PLCG1: variants seen among roughly 807,000 people sequenced by gnomAD.
PLCG1 encodes 1-phosphatidylinositol 4,5-bisphosphate phosphodiesterase gamma-1.
In PLCG1, 71 loss-of-function variants were observed where a neutral mutation model predicts 177.8. The observed-to-expected ratio is 0.40, with a 90% CI of 0.33 to 0.49. The LOEUF (loss-of-function observed/expected upper bound fraction) is 0.49. PLCG1 is among the 20% of genes least tolerant of loss of function. PLCG1 has a pLI of 0.72. For missense variants in PLCG1, 1,281 were observed against 1,709.0 expected, an observed-to-expected ratio of 0.75 and a Z score of 4.42; for synonymous variants, 658 against 647.9, an observed-to-expected ratio of 1.02 and a Z score of -0.24.
intron 20 of PLCG1, among the ~76,000 whole-genome samples, chr20:41,168,341 T>G (rs959643513): frequency 6.6e-6 from 1 of 152,198 alleles, no homozygotes; most frequent in Non-Finnish European, 1.5e-5. Context: ...CCAGGGGACC[T>G]GGAAGGAAGT....
Position 41,137,721 on chromosome 20 carries a change from G to C in PLCG1, c.80G>C (p.Arg27Pro). Residue 27 changes from arginine to proline, a missense_variant, in exon 1 of 32, where the codon CGC (arginine) becomes CCC (proline). This residue lies in a region of PLCG1 where 374 missense variants were observed against 443.8 expected (regional missense o/e 0.84). Transcript: ENST00000685551. The surrounding 1 kb of genome is among the most constrained non-coding windows in gnomAD (Gnocchi z 7.3). The part of the protein sequence containing the change: ...PSDAEVLHLC[R>P]SLEVGTVMTL... ...GACGCCGAGGTGCTGCACCTCTGCC[G>C]CAGCCTCGAGGTGGGCACCGTCATG... is the stretch of plus-strand genomic sequence containing the variant. The C allele has an allele frequency of 7.6e-7, 1 of 1,311,478 alleles. No individual in the cohort carries two copies. The highest frequency in any genetic ancestry group is 2.5e-5 in the South Asian group (1 of 40,684). The allele number at this position is 1,311,478 out of a possible 1,614,324, so 81.2% of individuals were successfully genotyped here.
At position 41,144,715 on chromosome 20, in the gene PLCG1, T is replaced by C. The variant is rs35060645; in HGVS notation, c.217+6857T>C. 4.0e-3 allele frequency among the ~76,000 whole-genome samples: 615 copies of C among 152,352 alleles called. 6 individuals are homozygous for C. Among genetic ancestry groups the C allele is most frequent in the African/African-American group, 0.014 (578 of 41,582 alleles). ...AGCATGCATTCATTCATGTGCTCTT[T>C]AATTTGTCATACATTTGTTGTGGGC... On this transcript the variant is annotated intron_variant, in intron 1 of 31. Transcript: ENST00000685551. The surrounding 1 kb of genome is among the most constrained non-coding windows in gnomAD (Gnocchi z 4.1).
At chr20:41,141,878 TTGTG>T (rs1316831474) in intron 1 of PLCG1, among the ~76,000 whole-genome samples, 1 of 152,076 alleles carries the variant, frequency 6.6e-6, no homozygotes, top group East Asian at 1.9e-4. Context: ...CTCCAGACTC[TTGTG>T]TGTGTGTGTA....
intron 1 of PLCG1, among the ~76,000 whole-genome samples, chr20:41,158,431 C>G (rs2035389910): frequency 1.3e-5 from 2 of 152,204 alleles, no homozygotes; most frequent in Non-Finnish European, 2.9e-5. Flanking sequence ...TTGACCTAAT[C>G]TACCTTAAAT....
In PLCG1 at chr20:41,163,566, CT is replaced by C; in HGVS notation, c.891+89del. The C allele has an allele frequency of 9.0e-7, 1 of 1,110,284 alleles. No homozygotes were observed. Among genetic ancestry groups the C allele is most frequent in the Non-Finnish European group, 1.4e-6 (1 of 728,026 alleles). The allele number at this position is 1,110,284 out of a possible 1,614,324, so 68.8% of individuals were successfully genotyped here. A position where few individuals can be genotyped will look rare whatever the true frequency, so the allele number is the denominator to read the frequency against. ...CCCGGGCTCCAGGAGCTAGACGCTC[CT>C]TAGGGATGCCACCTTGTTTCTACCT... On this transcript the variant is annotated intron_variant, in intron 9 of 31. Coordinates refer to ENST00000685551, the MANE Select transcript of PLCG1 (RefSeq NM_002660.3). The surrounding 1 kb of genome is among the most constrained non-coding windows in gnomAD (Gnocchi z 5.2).
In PLCG1 at chr20:41,173,353, G is replaced by A; in HGVS notation, c.3280-67G>A. 6.9e-7 allele frequency: 1 copy of A among 1,453,660 alleles called. No homozygotes were observed. The highest frequency in any genetic ancestry group is 9.2e-7 in the Non-Finnish European group (1 of 1,089,852). The allele number at this position is 1,453,660 out of a possible 1,614,324, so 90.0% of individuals were successfully genotyped here. A position where few individuals can be genotyped will look rare whatever the true frequency, so the allele number is the denominator to read the frequency against. On this transcript the variant is annotated intron_variant, in intron 27 of 31. Coordinates refer to ENST00000685551, the MANE Select transcript of PLCG1 (RefSeq NM_002660.3). The surrounding 1 kb of genome is among the most constrained non-coding windows in gnomAD (Gnocchi z 6.2). ...CCTCCACTCCACAGATGCTGACTGA[G>A]CCTCCGCAGTGGGGAATTGGAGGGA...
At position 41,176,128 on chromosome 20, in the gene PLCG1, C is replaced by T. The variant is rs557418080; in HGVS notation, c.*1619C>T. ...CTGAAATCTCTGGGCCCTTTCAACA[C>T]AGTTGAAAGGCCCTTCTCTTCCTGA... is the stretch of plus-strand genomic sequence containing the variant. On this transcript the variant is annotated 3_prime_UTR_variant, in exon 32 of 32. Transcript: ENST00000685551. The T allele has an allele frequency of 6.6e-6, 1 of 152,292 alleles. No homozygotes were observed. The highest frequency in any genetic ancestry group is 2.4e-5 in the African/African-American group (1 of 41,554). The allele number at this position is 152,292 out of a possible 1,614,324, so 9.4% of individuals were successfully genotyped here.
At position 41,147,850 on chromosome 20, in the gene PLCG1, T is replaced by TA. The variant is rs376827069; in HGVS notation, c.217+10007dup. Among the ~76,000 whole-genome samples, 331 of 142,266 alleles carry TA rather than the reference T, an allele frequency of 2.3e-3. 1 individual carries two copies. The highest frequency in any genetic ancestry group is 7.3e-3 in the Middle Eastern group (2 of 274). 93.3% of individuals were successfully genotyped at this position (142,266 alleles called of 152,430 possible). A position where few individuals can be genotyped will look rare whatever the true frequency, so the allele number is the denominator to read the frequency against. On this transcript the variant is annotated intron_variant, in intron 1 of 31. Coordinates refer to ENST00000685551, the MANE Select transcript of PLCG1 (RefSeq NM_002660.3). This position sits in a 1 kb window ranked among gnomAD's most constrained non-coding sequence, Gnocchi z 4.0. Reference sequence around the variant, plus strand: ...GTGACAGAGCAAGACTCTGTCTCTTTAAAAAAAAAAAAAAATTTAAGCTGG... The same window carrying TA: ...GTGACAGAGCAAGACTCTGTCTCTTTAAAAAAAAAAAAAAAATTTAAGCTGG...
chr20:41,143,454 C>T (rs1000454639), intron 1 of PLCG1, among the ~76,000 whole-genome samples: 12 of 152,120 alleles, frequency 7.9e-5, no homozygotes, highest in African/African-American at 2.7e-4. Context: ...TGAGGAGAGT[C>T]CTAGGAGAGA....
At position 41,156,459 on chromosome 20, in the gene PLCG1, C is replaced by T. The variant is rs114486337; in HGVS notation, c.218-3147C>T. ...CTTTGCCTTCTTGGGTCAAGGCGAG[C>T]CTGGGCATTAGGCCTTTGTCATTAT... On this transcript the variant is annotated intron_variant, in intron 1 of 31. Coordinates refer to ENST00000685551, the MANE Select transcript of PLCG1 (RefSeq NM_002660.3). This position sits in a 1 kb window ranked among gnomAD's most constrained non-coding sequence, Gnocchi z 5.0. 6.6e-6 allele frequency among the ~76,000 whole-genome samples: 1 copy of T among 152,284 alleles called. No individual in the cohort carries two copies. Among genetic ancestry groups the T allele is most frequent in the African/African-American group, 2.4e-5 (1 of 41,564 alleles).
intron 1 of PLCG1, among the ~76,000 whole-genome samples, chr20:41,141,535 G>T (rs150136626): frequency 3.3e-5 from 5 of 152,240 alleles, no homozygotes; most frequent in African/African-American, 9.6e-5. Context: ...CCCACAGCAC[G>T]GGAGAGGGCA....
chr20:41,165,811 A>G lies in PLCG1; in HGVS notation c.1784A>G (p.Tyr595Cys). 1 of 1,588,550 alleles carries G rather than the reference A, an allele frequency of 6.3e-7. No individual in the cohort carries two copies. The highest frequency in any genetic ancestry group is 8.6e-7 in the Non-Finnish European group (1 of 1,163,656). ...VRESETFVGD[Y>C]TLSFWRNGKV... The stretch of plus-strand genomic sequence containing the variant: ...GAGAGTGAGACCTTCGTGGGCGACT[A>G]CACGCTCTCTTTCTGGTAACACTTC... Residue 595 changes from tyrosine to cysteine, a missense_variant, in exon 16 of 32, where the codon TAC becomes TGC. Transcript: ENST00000685551. This position sits in a 1 kb window ranked among gnomAD's most constrained non-coding sequence, Gnocchi z 6.6.
In PLCG1 at chr20:41,172,752, G is replaced by C. The variant is rs1160196775; in HGVS notation, c.3154G>C (p.Ala1052Pro). ...TPDKPMQMNQ[A>P]LFMTGRHCGY... ...AGACAAGCCTATGCAGATGAACCAG[G>C]CCCTCTTCATGACGGGCAGGCACTG... Residue 1052 changes from alanine to proline, a missense_variant, in exon 27 of 32, where the codon GCC becomes CCC. Ala to Pro is a conservative substitution (Grantham distance 27). Around this residue, in one of 4 missense-constraint regions of PLCG1, gnomAD observed 723 missense variants for 1,030.0 expected, o/e 0.70. Transcript: ENST00000685551. This position sits in a 1 kb window ranked among gnomAD's most constrained non-coding sequence, Gnocchi z 7.0. 6.2e-7 allele frequency: 1 copy of C among 1,613,980 alleles called. No individual in the cohort carries two copies. The highest frequency in any genetic ancestry group is 8.5e-7 in the Non-Finnish European group (1 of 1,180,032).
Position 41,172,550 on chromosome 20 carries a change from A to G in PLCG1, c.3035A>G (p.Tyr1012Cys), listed in dbSNP as rs1248825697. ...AATCGACTGCAGCTCTCCCGCATCTACCCCAAGGGCCAGCGACTGGATTCC... is the reference window on the plus strand; with the variant it reads ...AATCGACTGCAGCTCTCCCGCATCTGCCCCAAGGGCCAGCGACTGGATTCC... ...QYNRLQLSRI[Y>C]PKGQRLDSSN... Residue 1012 changes from tyrosine to cysteine, a missense_variant, in exon 26 of 32, where the codon TAC becomes TGC. Physicochemically the swap from Tyr to Cys is radical, Grantham distance 194 (BLOSUM62 -2). Coordinates refer to ENST00000685551, the MANE Select transcript of PLCG1 (RefSeq NM_002660.3). This position sits in a 1 kb window ranked among gnomAD's most constrained non-coding sequence, Gnocchi z 7.0. 6.2e-7 allele frequency: 1 copy of G among 1,614,090 alleles called. No individual in the cohort carries two copies. The highest frequency in any genetic ancestry group is 8.5e-7 in the Non-Finnish European group (1 of 1,180,016).
chr20:41,171,783 T>C (rs2035908825), intron 24 of PLCG1, among the ~76,000 whole-genome samples: 1 of 152,082 alleles, frequency 6.6e-6, no homozygotes, highest in Admixed American at 6.5e-5. Context: ...GCCAGGGGCC[T>C]GTATCCCCAG....
Position 41,174,751 on chromosome 20 carries a change from C to T in PLCG1, c.*242C>T, listed in dbSNP as rs2146068458. 1.9e-6 allele frequency: 1 copy of T among 538,708 alleles called. No homozygotes were observed. Among genetic ancestry groups the T allele is most frequent in the South Asian group, 2.0e-5 (1 of 48,920 alleles). The allele number at this position is 538,708 out of a possible 1,614,324, so 33.4% of individuals were successfully genotyped here. On this transcript the variant is annotated 3_prime_UTR_variant, in exon 32 of 32. Transcript: ENST00000685551. This position sits in a 1 kb window ranked among gnomAD's most constrained non-coding sequence, Gnocchi z 5.8. Reference sequence around the variant, plus strand: ...TGTACTGTGTTTCGCATTAAGCACACACATCTGGCCCTGACTTCTGGAGAT... The same window carrying T: ...TGTACTGTGTTTCGCATTAAGCACATACATCTGGCCCTGACTTCTGGAGAT...
chr20:41,146,651 C>T lies in PLCG1; in HGVS notation c.217+8793C>T, dbSNP rs2035003942. Among the ~76,000 whole-genome samples the T allele has an allele frequency of 6.6e-6, 1 of 152,148 alleles. No individual in the cohort carries two copies. Among genetic ancestry groups the T allele is most frequent in the Non-Finnish European group, 1.5e-5 (1 of 68,022 alleles). ...GGGGAGTTCACTTTGGGGTTGGCTT[C>T]CTGTTTTCTTGGACACCTGGGGATA... is the stretch of plus-strand genomic sequence containing the variant. On this transcript the variant is annotated intron_variant, in intron 1 of 31. Transcript: ENST00000685551. The surrounding 1 kb of genome is among the most constrained non-coding windows in gnomAD (Gnocchi z 6.3).
rs1034490664 is a variant in PLCG1, at chr20:41,148,976, C to T, written c.218-10630C>T. Among the ~76,000 whole-genome samples, 3 of 152,168 alleles carry T rather than the reference C, an allele frequency of 2.0e-5. No individual in the cohort carries two copies. Among genetic ancestry groups the T allele is most frequent in the African/African-American group, 7.2e-5 (3 of 41,438 alleles). The stretch of plus-strand genomic sequence containing the variant: ...AATTTCCTCACTCGGGAATTGGGGA[C>T]CCTAATACTTACTTCATAGTGTTAT... On this transcript the variant is annotated intron_variant, in intron 1 of 31. Transcript: ENST00000685551. The surrounding 1 kb of genome is among the most constrained non-coding windows in gnomAD (Gnocchi z 4.3).
Position 41,174,589 on chromosome 20 carries a change from C to T in PLCG1, c.*80C>T. On this transcript the variant is annotated 3_prime_UTR_variant, in exon 32 of 32. Coordinates refer to ENST00000685551, the MANE Select transcript of PLCG1 (RefSeq NM_002660.3). This position sits in a 1 kb window ranked among gnomAD's most constrained non-coding sequence, Gnocchi z 5.8. ...GCGAACTGGGTTCTTTGGAAGCAGCCCCCTGTGGCGGCCTTCCGGGTCTCG... is the reference window on the plus strand; with the variant it reads ...GCGAACTGGGTTCTTTGGAAGCAGCTCCCTGTGGCGGCCTTCCGGGTCTCG... 2 of 1,320,950 alleles carry T rather than the reference C, an allele frequency of 1.5e-6. No individual in the cohort carries two copies. The highest frequency in any genetic ancestry group is 2.5e-5 in the South Asian group (2 of 79,110). The allele number at this position is 1,320,950 out of a possible 1,614,324, so 81.8% of individuals were successfully genotyped here.
Sources: allele counts gnomAD v4.1 joint callset (sites outside exome capture counted in the v4.1 genomes callset), GRCh38; gene constraint gnomAD v4.1.1; regional missense constraint gnomAD v4.1.1; non-coding constraint Gnocchi (gnomAD v3.1); transcripts MANE v1.5; gene names NCBI Gene and HGNC (gene_info 2026-07-23, HGNC 2026-07-21).